Variants in SEPTIN5 observed in about 807,000 individuals in gnomAD.
SEPTIN5 encodes the protein septin-5.
A neutral mutation model predicts 51.2 loss-of-function variants in SEPTIN5; 16 were observed. That is an observed-to-expected ratio of 0.31 (90% CI 0.21 to 0.47). The LOEUF is 0.47. Ranked by LOEUF, SEPTIN5 falls within the 20% of genes least tolerant of loss-of-function variation. The pLI, the probability that SEPTIN5 is intolerant of heterozygous loss-of-function variation, is 0.99. For missense variants in SEPTIN5, 376 were observed against 500.3 expected (o/e 0.75, Z 2.37); for synonymous variants, 208 against 191.2 (o/e 1.09, Z -0.72).
chr22:19,720,514 CT>C, intron 6 of SEPTIN5, 34 bp from the exon 7 acceptor site: 1 of 1,613,346 alleles, frequency 6.2e-7, no homozygotes, highest in Non-Finnish European at 8.5e-7. Flanking sequence ...GGCCCCCTGG[CT>C]GTGCCTATGC....
intron 2 of SEPTIN5, among the ~76,000 whole-genome samples, chr22:19,716,246 G>T (rs1935909723): frequency 6.6e-6 from 1 of 152,240 alleles, no homozygotes; most frequent in East Asian, 1.9e-4. Flanking sequence ...CAGGTGTCTG[G>T]GTGACCAGTG....
chr22:19,718,280 C>T, intron 2 of SEPTIN5: 2 of 516,460 alleles, frequency 3.9e-6, no homozygotes, highest in Non-Finnish European at 2.5e-6. Flanking sequence ...GCAGGGCTCC[C>T]GGTCCACGCG....
At chr22:19,719,512 C>T (rs1037885512) in intron 2 of SEPTIN5, 90 bp from the exon 3 acceptor site, 10 of 1,050,062 alleles carry the variant, frequency 9.5e-6, no homozygotes, top group Non-Finnish European at 1.4e-5. Context: ...GTACCCTCTG[C>T]TGTCTCCTCA....
chr22:19,718,516 A>T, intron 2 of SEPTIN5: 2 of 1,265,540 alleles, frequency 1.6e-6, no homozygotes, highest in East Asian at 2.9e-5. Context: ...GCTTGGGGCC[A>T]GTTCGCCCAG....
intron 2 of SEPTIN5, chr22:19,718,357 G>A: frequency 1.0e-6 from 1 of 990,846 alleles, no homozygotes; most frequent in Non-Finnish European, 1.2e-6. Flanking sequence ...GGCTCCGCCC[G>A]CGGCCCAATT....
chr22:19,722,130 C>T (rs964303253), intron 10 of SEPTIN5, 107 bp from the exon 11 acceptor site: 1 of 1,210,944 alleles, frequency 8.3e-7, no homozygotes, highest in Admixed American at 2.5e-5. Context: ...TGTGAGGGCT[C>T]CGGAGGGCAG....
intron 2 of SEPTIN5, chr22:19,718,419 C>A (rs534217265): frequency 3.8e-6 from 4 of 1,059,656 alleles, no homozygotes; most frequent in Non-Finnish European, 3.4e-6. Flanking sequence ...CTGCCGCCCC[C>A]CGCCGCGCGC....
At position 19,722,554 on chromosome 22, in the gene SEPTIN5, C is replaced by G. The variant is rs998502722; in HGVS notation, c.*70C>G. The G allele has an allele frequency of 4.4e-5, 66 of 1,508,442 alleles. No homozygotes were observed. Among genetic ancestry groups the G allele is most frequent in the Non-Finnish European group, 5.8e-5 (64 of 1,111,088 alleles). 93.4% of individuals were successfully genotyped at this position (1,508,442 alleles called of 1,614,324 possible). A position where few individuals can be genotyped will look rare whatever the true frequency, so the allele number is the denominator to read the frequency against. On this transcript the variant is annotated 3_prime_UTR_variant, in exon 12 of 12. Transcript: ENST00000455784. ...CCCTGGACACCAGACCGGACTGTTC[C>G]CGACCCGGAGACGCGGGGCCACAGC...
rs1252224497 is a variant in SEPTIN5, at chr22:19,720,608, C to T, written c.557C>T (p.Pro186Leu). Reference protein sequence around the residue: ...KALHEKVNIVPLIAKADCLVP... With the variant: ...KALHEKVNIVLLIAKADCLVP... ...TTGCATGAGAAGGTCAACATCGTGCCTCTCATCGCCAAAGCTGACTGTCTT... is the reference window on the plus strand; with the variant it reads ...TTGCATGAGAAGGTCAACATCGTGCTTCTCATCGCCAAAGCTGACTGTCTT... Residue 186 changes from proline (P) to leucine (L), a missense_variant, in exon 7 of 12, where the codon CCT (proline) becomes CTT (leucine). Around this residue, in one of 2 missense-constraint regions of SEPTIN5, gnomAD observed 287 missense variants for 417.1 expected, o/e 0.69. Transcript: ENST00000455784. 1.2e-6 allele frequency: 2 copies of T among 1,612,918 alleles called. No individual in the cohort carries two copies. The highest frequency in any genetic ancestry group is 1.7e-6 in the Non-Finnish European group (2 of 1,180,048).
chr22:19,720,511 T>A (rs1004550149), intron 6 of SEPTIN5, 38 bp from the exon 7 acceptor site: 1 of 1,613,244 alleles, frequency 6.2e-7, no homozygotes, highest in Admixed American at 1.7e-5. Flanking sequence ...TATGGCCCCC[T>A]GGCTGTGCCT....
Position 19,723,038 on chromosome 22 carries a change from G to T in SEPTIN5, c.*554G>T, listed in dbSNP as rs933741905. On this transcript the variant is annotated 3_prime_UTR_variant, in exon 12 of 12. Transcript: ENST00000455784. The stretch of plus-strand genomic sequence containing the variant: ...AAGGAGGCCAGAGGCTGCAAGGAGC[G>T]GGGTCGTGACCGCTTACACCCCTTC... The T allele has an allele frequency of 1.0e-5, 5 of 476,812 alleles. No individual in the cohort carries two copies. The highest frequency in any genetic ancestry group is 9.6e-5 in the African/African-American group (5 of 51,910). 29.5% of individuals were successfully genotyped at this position (476,812 alleles called of 1,614,324 possible). A position where few individuals can be genotyped will look rare whatever the true frequency, so the allele number is the denominator to read the frequency against.
At position 19,723,063 on chromosome 22, in the gene SEPTIN5, C is replaced by G; in HGVS notation, c.*579C>G. Reference sequence around the variant, plus strand: ...GGGGTCGTGACCGCTTACACCCCTTCTCCACAGCCCGGCCCGACCTGGAGG... The same window carrying G: ...GGGGTCGTGACCGCTTACACCCCTTGTCCACAGCCCGGCCCGACCTGGAGG... On this transcript the variant is annotated 3_prime_UTR_variant, in exon 12 of 12. Transcript: ENST00000455784. 2 of 507,128 alleles carry G rather than the reference C, an allele frequency of 3.9e-6. No individual in the cohort carries two copies. The highest frequency in any genetic ancestry group is 7.8e-5 in the East Asian group (2 of 25,602). The allele number at this position is 507,128 out of a possible 1,614,324, so 31.4% of individuals were successfully genotyped here.
Position 19,721,925 on chromosome 22 carries a change from C to G in SEPTIN5, c.918C>G (p.Asn306Lys), listed in dbSNP as rs1294498439. Residue 306 changes from asparagine to lysine, a missense_variant, in exon 10 of 12, where the codon AAC (asparagine) becomes AAG (lysine). By Grantham distance (94) the Asn-to-Lys change is moderately conservative (BLOSUM62 0). Transcript: ENST00000455784. ...KDVTCDVHYENYRAHCIQQMT... is the reference protein window; with the variant it reads ...KDVTCDVHYEKYRAHCIQQMT... The stretch of plus-strand genomic sequence containing the variant: ...TGACGTGCGACGTGCACTACGAGAA[C>G]TACCGCGCGCACTGCATCCAGCAGA... The G allele has an allele frequency of 6.2e-7, 1 of 1,611,578 alleles. No individual in the cohort carries two copies. The highest frequency in any genetic ancestry group is 8.5e-7 in the Non-Finnish European group (1 of 1,179,296).
Position 19,722,839 on chromosome 22 carries a change from G to C in SEPTIN5, c.*355G>C. 2.1e-6 allele frequency: 1 copy of C among 469,426 alleles called. No homozygotes were observed. 29.1% of individuals were successfully genotyped at this position (469,426 alleles called of 1,614,324 possible). ...AGAGGATTCCCAGGATCCTGGGTCT[G>C]TTCCCTGCCCCAGTGCTGCAGAACG... On this transcript the variant is annotated 3_prime_UTR_variant, in exon 12 of 12. Coordinates refer to ENST00000455784, the MANE Select transcript of SEPTIN5 (RefSeq NM_002688.6).
In SEPTIN5 at chr22:19,714,684, G is replaced by C; in HGVS notation, c.43+53G>C. The C allele has an allele frequency of 6.6e-7, 1 of 1,519,796 alleles. No individual in the cohort carries two copies. The highest frequency in any genetic ancestry group is 2.6e-5 in the East Asian group (1 of 39,098). 94.1% of individuals were successfully genotyped at this position (1,519,796 alleles called of 1,614,324 possible). On this transcript the variant is annotated intron_variant, in intron 1 of 11. Transcript: ENST00000455784. This position sits in a 1 kb window ranked among gnomAD's most constrained non-coding sequence, Gnocchi z 5.2. Reference sequence around the variant, plus strand: ...GCGCGCGCCTTTGTCCCCGCCGCCCGCGCGCCTCTCACCGTGTCTCTCCGT... The same window carrying C: ...GCGCGCGCCTTTGTCCCCGCCGCCCCCGCGCCTCTCACCGTGTCTCTCCGT...
At position 19,722,545 on chromosome 22, in the gene SEPTIN5, G is replaced by C. The variant is rs1425161046; in HGVS notation, c.*61G>C. 5.3e-5 allele frequency: 82 copies of C among 1,532,970 alleles called. No homozygotes were observed. The highest frequency in any genetic ancestry group is 6.8e-5 in the Non-Finnish European group (77 of 1,131,542). 95.0% of individuals were successfully genotyped at this position (1,532,970 alleles called of 1,614,324 possible). On this transcript the variant is annotated 3_prime_UTR_variant, in exon 12 of 12. Transcript: ENST00000455784. Reference sequence around the variant, plus strand: ...CCCTCGCACCCCTGGACACCAGACCGGACTGTTCCCGACCCGGAGACGCGG... The same window carrying C: ...CCCTCGCACCCCTGGACACCAGACCCGACTGTTCCCGACCCGGAGACGCGG...
At chr22:19,718,375 G>C in intron 2 of SEPTIN5, 1 of 1,013,096 alleles carries the variant, frequency 9.9e-7, no homozygotes, top group Middle Eastern at 4.8e-4. Context: ...ATTTCCAGGC[G>C]ACCGTTTCCC....
At chr22:19,717,531 CAGGGCCACCTG>C in intron 2 of SEPTIN5, 1 of 350,410 alleles carries the variant, frequency 2.9e-6, no homozygotes, top group South Asian at 2.1e-5. Context: ...TCTCTGAGGG[CAGGGCCACCTG>C]AGGGCTGCAG....
At chr22:19,719,409 C>G (rs545454876) in intron 2 of SEPTIN5, 193 bp from the exon 3 acceptor site, 2 of 574,512 alleles carry the variant, frequency 3.5e-6, no homozygotes, top group East Asian at 2.9e-5. Flanking sequence ...GGTGCCTTCT[C>G]CTGCCACCAC....
Sources: gnomAD v4.1 joint callset for allele counts (sites outside exome capture counted in the v4.1 genomes callset) on GRCh38, gnomAD v4.1.1 for gene constraint, gnomAD v4.1.1 regional missense constraint, Gnocchi (gnomAD v3.1) non-coding constraint, MANE v1.5 for transcripts, NCBI Gene and HGNC (gene_info 2026-07-23, HGNC 2026-07-21) for gene names.